ALG13: variants seen among roughly 807,000 people sequenced by gnomAD.
The protein encoded by ALG13 is ALG13 UDP-N-acetylglucosaminyltransferase subunit.
ALG13 carries 11 observed loss-of-function variants against 87.8 expected under a neutral mutation model. That is an observed-to-expected ratio of 0.13 (90% CI 0.08 to 0.21). ALG13 has a LOEUF of 0.21. ALG13 is among the 10% of genes least tolerant of loss of function. ALG13 has a pLI of 1.00. For missense variants in ALG13, 756 were observed against 866.1 expected (o/e 0.87, Z 1.60); for synonymous variants, 320 against 306.3 (o/e 1.04, Z -0.47).
chrX:111,696,929 T>C (rs1602574053), intron 3 of ALG13, among the ~76,000 whole-genome samples: 1 of 109,372 alleles, frequency 9.1e-6, no homozygotes, highest in East Asian at 2.9e-4. Flanking sequence ...TATGGACCCA[T>C]ATTAGAACTT....
intron 24 of ALG13, among the ~76,000 whole-genome samples, chrX:111,747,655 T>C (rs1322590126): frequency 9.0e-6 from 1 of 110,636 alleles, no homozygotes; most frequent in Non-Finnish European, 1.9e-5. Context: ...CCTGGCTAAT[T>C]TTTGTATTTT....
At chrX:111,725,927 C>T (rs1182510278) in intron 15 of ALG13, among the ~76,000 whole-genome samples, 2 of 111,307 alleles carry the variant, frequency 1.8e-5, no homozygotes, top group Admixed American at 9.5e-5. Context: ...TTGGATGACT[C>T]GGAGTTTTTG....
intron 8 of ALG13, chrX:111,716,921 T>C (rs978841214): frequency 9.0e-6 from 1 of 110,941 alleles, no homozygotes; most frequent in African/African-American, 3.3e-5. Flanking sequence ...ATATCCCTTA[T>C]ATAAGACATT....
intron 6 of ALG13, 32 bp downstream of exon 6, chrX:111,711,757 A>G: frequency 8.6e-7 from 1 of 1,156,362 alleles, no homozygotes. Context: ...TAATCTTTTC[A>G]GAGTTATTTG....
At chrX:111,722,939 A>G (rs1439020438) in intron 13 of ALG13, 82 bp downstream of exon 13, 5 of 653,082 alleles carry the variant, frequency 7.7e-6, no homozygotes, top group Non-Finnish European at 1.2e-5. Flanking sequence ...ACTTATTTAC[A>G]AAGTACTAGA....
chrX:111,700,035 T>TG (rs1937516006), intron 3 of ALG13, among the ~76,000 whole-genome samples: 1 of 95,369 alleles, frequency 1.0e-5, no homozygotes, highest in Admixed American at 1.1e-4. Flanking sequence ...CGTTTATTTG[T>TG]GGGTTTTTTT....
chrX:111,702,602 A>G (rs191299576), intron 3 of ALG13, among the ~76,000 whole-genome samples: 41 of 110,954 alleles, frequency 3.7e-4, no homozygotes, highest in African/African-American at 1.3e-3. Context: ...AGATATCCAC[A>G]CTGGAGTTCT....
At chrX:111,693,295 C>G (rs1339199725) in intron 3 of ALG13, among the ~76,000 whole-genome samples, 2 of 104,549 alleles carry the variant, frequency 1.9e-5, no homozygotes. Context: ...CGCTCTGTTG[C>G]CCAGGCTGGA....
intron 10 of ALG13, 24 bp downstream of exon 10, chrX:111,718,298 A>G: frequency 8.8e-7 from 1 of 1,141,864 alleles, no homozygotes; most frequent in Non-Finnish European, 1.2e-6. Context: ...AGGGGATATC[A>G]TGATAATTAT....
intron 26 of ALG13, among the ~76,000 whole-genome samples, chrX:111,758,420 A>G (rs1367001545): frequency 8.9e-6 from 1 of 112,339 alleles, no homozygotes; most frequent in African/African-American, 3.2e-5. Context: ...GTTGCCAAAG[A>G]TACAATTTTA....
intron 24 of ALG13, among the ~76,000 whole-genome samples, chrX:111,751,342 C>T (rs185569164): frequency 7.1e-5 from 8 of 112,021 alleles, no homozygotes; most frequent in African/African-American, 2.3e-4. Context: ...GCTGGCATTA[C>T]AGGCCTGGGC....
rs772766102 is a variant in ALG13 at position 111,730,405 on chromosome X, TGAA to T, written c.2383_2385del (p.Glu795del). The stretch of plus-strand genomic sequence containing the variant: ...GTCTTTTTTCCCCAGGGCGATATCA[TGAA>T]GAATATCTTTATCGTGCAGGTCAGT... On this transcript the variant is annotated inframe_deletion, in exon 20 of 27. Coordinates refer to ENST00000394780, the MANE Select transcript of ALG13 (RefSeq NM_001099922.3). 9.1e-4 allele frequency: 1,096 copies of T among 1,208,532 alleles called. 1 individual carries two copies. The highest frequency in any genetic ancestry group is 1.1e-3 in the Non-Finnish European group (955 of 893,806).
At position 111,708,012 on chromosome X, in the gene ALG13, C is replaced by T. The variant is rs756454196; in HGVS notation, c.384-15C>T. 24 of 1,190,163 alleles carry T rather than the reference C, an allele frequency of 2.0e-5. No homozygotes were observed. Among genetic ancestry groups the T allele is most frequent in the Non-Finnish European group, 2.7e-5 (24 of 884,377 alleles). On this transcript the variant is annotated splice_polypyrimidine_tract_variant and intron_variant, in intron 3 of 26. Coordinates refer to ENST00000394780, the MANE Select transcript of ALG13 (RefSeq NM_001099922.3). ...CTATTCCTAGGAGGATTGGCTCTTC[C>T]TCTTCTTTTCACAGGGTCCTGACTT...
chrX:111,704,638 A>G (rs929677151), intron 3 of ALG13, among the ~76,000 whole-genome samples: 2 of 111,702 alleles, frequency 1.8e-5, no homozygotes, highest in Admixed American at 9.5e-5. Flanking sequence ...ATGGAAATCT[A>G]TAGATTCAGG....
At chrX:111,743,946 A>G (rs907163341) in intron 23 of ALG13, 1 of 111,648 alleles carries the variant, frequency 9.0e-6, no homozygotes, top group Non-Finnish European at 1.9e-5. Context: ...TATGTCATAC[A>G]TATATGCAGG....
chrX:111,698,072 C>T (rs918866853), intron 3 of ALG13, among the ~76,000 whole-genome samples: 1 of 112,069 alleles, frequency 8.9e-6, no homozygotes, highest in African/African-American at 3.2e-5. Flanking sequence ...CAAGAAACAG[C>T]AGTTGTATGT....
At chrX:111,741,968 C>T (rs1031573440) in intron 23 of ALG13, among the ~76,000 whole-genome samples, 3 of 112,206 alleles carry the variant, frequency 2.7e-5, no homozygotes, top group African/African-American at 9.7e-5. Context: ...CTGCTTCTAG[C>T]AGCTGTCTGA....
chrX:111,681,838 C>T, intron 1 of ALG13: 1 of 875,183 alleles, frequency 1.1e-6, no homozygotes, highest in Non-Finnish European at 1.4e-6. Flanking sequence ...TGAGGCAGAA[C>T]GGGTAGTGCC....
intron 6 of ALG13, 95 bp downstream of exon 6, chrX:111,711,820 A>G: frequency 3.5e-6 from 3 of 869,246 alleles, no homozygotes; most frequent in East Asian, 6.6e-5. Flanking sequence ...CCAGACCCCA[A>G]ATATTTTATT....
Sources: gnomAD v4.1 joint callset for allele counts (sites outside exome capture counted in the v4.1 genomes callset) on GRCh38, gnomAD v4.1.1 for gene constraint, MANE v1.5 for transcripts, NCBI Gene and HGNC (gene_info 2026-07-23, HGNC 2026-07-21) for gene names.